RARB: variants seen among roughly 807,000 people sequenced by gnomAD.
The protein encoded by RARB is retinoic acid receptor beta.
Under a neutral mutation model 51.9 loss-of-function variants are expected in RARB, and 17 were observed. That is an observed-to-expected ratio of 0.33 (90% CI 0.22 to 0.49). The LOEUF (loss-of-function observed/expected upper bound fraction) is 0.49, where lower values mean the gene tolerates loss of function less well. Among genes scored for constraint, RARB ranks in the 20% least tolerant of loss-of-function variants. The pLI is 0.99. For synonymous variants in RARB, 215 were observed against 195.4 expected (o/e 1.10, Z -0.84); for missense variants, 369 against 550.8 (o/e 0.67, Z 3.30).
At chr3:25,480,860 G>A (rs1696192970) in intron 2 of RARB, among the ~76,000 whole-genome samples, 1 of 152,136 alleles carries the variant, frequency 6.6e-6, no homozygotes, top group Non-Finnish European at 1.5e-5. Context: ...CCTCAATGGA[G>A]TACAAGCTTA....
intron 2 of RARB, among the ~76,000 whole-genome samples, chr3:24,985,833 G>T (rs960658598): frequency 6.6e-6 from 1 of 152,208 alleles, no homozygotes; most frequent in South Asian, 2.1e-4. Context: ...CTGCTGCCGC[G>T]TTGGCAGCCA....
chr3:25,187,781 T>C (rs1701011692), intron 5 of RARB, among the ~76,000 whole-genome samples: 1 of 152,100 alleles, frequency 6.6e-6, no homozygotes, highest in Non-Finnish European at 1.5e-5. Flanking sequence ...TTCTGTGAAA[T>C]AATTTTGAAC....
intron 2 of RARB, among the ~76,000 whole-genome samples, chr3:24,902,690 T>A (rs1181903365): frequency 6.6e-6 from 1 of 152,150 alleles, no homozygotes; most frequent in Non-Finnish European, 1.5e-5. Context: ...AAATGAAGAT[T>A]AATATGGTCA....
chr3:24,912,294 G>A (rs1237251615), intron 2 of RARB, among the ~76,000 whole-genome samples: 1 of 152,106 alleles, frequency 6.6e-6, no homozygotes, highest in Non-Finnish European at 1.5e-5. Flanking sequence ...GGGTAAGTTA[G>A]GGAACATTTC....
intron 5 of RARB, among the ~76,000 whole-genome samples, chr3:25,320,333 A>G (rs1301639909): frequency 2.0e-5 from 3 of 152,158 alleles, no homozygotes; most frequent in Non-Finnish European, 4.4e-5. Context: ...TCACCACCCC[A>G]TAAGATATTA....
intron 3 of RARB, among the ~76,000 whole-genome samples, chr3:25,071,162 C>G (rs1698758529): frequency 6.6e-6 from 1 of 152,218 alleles, no homozygotes; most frequent in Admixed American, 6.5e-5. Context: ...ACTGCTACTT[C>G]TGCAGTGCTC....
At chr3:25,203,150 C>T (rs537082506) in intron 5 of RARB, among the ~76,000 whole-genome samples, 1 of 152,158 alleles carries the variant, frequency 6.6e-6, no homozygotes, top group African/African-American at 2.4e-5. Flanking sequence ...GGATAGTTAG[C>T]TCTTCTTGTT....
chr3:25,364,757 C>T (rs1404871608), intron 5 of RARB, among the ~76,000 whole-genome samples: 6 of 152,162 alleles, frequency 3.9e-5, no homozygotes, highest in African/African-American at 1.4e-4. Context: ...TTTTATTTAC[C>T]AGCAATTCAA....
intron 2 of RARB, among the ~76,000 whole-genome samples, chr3:25,465,000 A>G (rs1281317094): frequency 6.6e-6 from 1 of 152,164 alleles, no homozygotes; most frequent in African/African-American, 2.4e-5. Flanking sequence ...ATTATAAATA[A>G]CACTTTAAAT....
At chr3:24,939,483 C>T (rs1399997975) in intron 2 of RARB, among the ~76,000 whole-genome samples, 1 of 152,140 alleles carries the variant, frequency 6.6e-6, no homozygotes, top group Non-Finnish European at 1.5e-5. Context: ...TTGTATATTA[C>T]AATAAAGCCA....
At chr3:25,144,598 C>A (rs905856050) in intron 4 of RARB, among the ~76,000 whole-genome samples, 30 of 152,148 alleles carry the variant, frequency 2.0e-4, no homozygotes, top group Non-Finnish European at 2.5e-4. Context: ...TCAAATAATA[C>A]CTGGGTAGTT....
At chr3:25,567,976 C>T (rs918040676) in intron 3 of RARB, among the ~76,000 whole-genome samples, 8 of 152,096 alleles carry the variant, frequency 5.3e-5, no homozygotes, top group East Asian at 1.9e-4. Context: ...CTCCTTTGCC[C>T]GCCGGCTTCT....
chr3:24,911,945 G>A (rs1439282692), intron 2 of RARB, among the ~76,000 whole-genome samples: 5 of 152,216 alleles, frequency 3.3e-5, no homozygotes, highest in African/African-American at 4.8e-5. Flanking sequence ...GAATCTTAAT[G>A]TTGGTGACAA....
chr3:25,331,533 G>A (rs1431922564), intron 5 of RARB, among the ~76,000 whole-genome samples: 1 of 152,182 alleles, frequency 6.6e-6, no homozygotes. Context: ...GCAGTGTGTA[G>A]AGAGAAATTT....
At chr3:25,462,989 C>T (rs141351818) in intron 2 of RARB, among the ~76,000 whole-genome samples, 3 of 152,218 alleles carry the variant, frequency 2.0e-5, no homozygotes, top group Non-Finnish European at 4.4e-5. Flanking sequence ...GGAACATCAA[C>T]TCAACTTTTG....
intron 3 of RARB, among the ~76,000 whole-genome samples, chr3:25,525,750 T>A (rs1054341208): frequency 3.3e-5 from 5 of 152,032 alleles, no homozygotes; most frequent in Admixed American, 2.6e-4. Flanking sequence ...CATGTAAATA[T>A]AAATATGAAG....
intron 2 of RARB, among the ~76,000 whole-genome samples, chr3:24,985,324 A>G (rs192238655): frequency 2.0e-5 from 3 of 151,386 alleles, no homozygotes; most frequent in Non-Finnish European, 4.4e-5. Context: ...CATCACTGCC[A>G]TGGCATTTGC....
At chr3:25,120,969 C>T (rs1032928832) in intron 3 of RARB, among the ~76,000 whole-genome samples, 1 of 152,124 alleles carries the variant, frequency 6.6e-6, no homozygotes, top group African/African-American at 2.4e-5. Context: ...TATTATCAGA[C>T]CCTTTACAGA....
chr3:25,405,045 T>A (rs1707369863), intron 5 of RARB, among the ~76,000 whole-genome samples: 1 of 152,172 alleles, frequency 6.6e-6, no homozygotes, highest in East Asian at 1.9e-4. Context: ...ATAGATCTGG[T>A]TAAATGGCAT....
Sources: allele counts gnomAD v4.1 joint callset (sites outside exome capture counted in the v4.1 genomes callset), GRCh38; gene constraint gnomAD v4.1.1; transcripts MANE v1.5; gene names NCBI Gene and HGNC (gene_info 2026-07-23, HGNC 2026-07-21).